Variants in LRRTM4 observed in about 807,000 individuals in gnomAD.
LRRTM4 encodes leucine-rich repeat transmembrane neuronal protein 4.
A neutral mutation model predicts 47.6 loss-of-function variants in LRRTM4; 25 were observed. That is an observed-to-expected ratio of 0.53 (90% confidence interval 0.38 to 0.73). The LOEUF (loss-of-function observed/expected upper bound fraction) is 0.73, where lower values mean the gene tolerates loss of function less well. LRRTM4 is among the 30% of genes least tolerant of loss of function. LRRTM4 has a pLI of 0.00. For missense variants in LRRTM4, 638 were observed against 713.4 expected (o/e 0.89, Z 1.20); for synonymous variants, 311 against 269.5 (o/e 1.15, Z -1.51).
chr2:76,967,879 C>T (rs192934643), intron 3 of LRRTM4, among the ~76,000 whole-genome samples: 3 of 151,532 alleles, frequency 2.0e-5, no homozygotes, highest in Non-Finnish European at 4.4e-5. Context: ...CTCCCTCTGG[C>T]TAATGGGCTT....
intron 3 of LRRTM4, among the ~76,000 whole-genome samples, chr2:77,429,831 C>T (rs190309858): frequency 1.4e-4 from 22 of 152,174 alleles, no homozygotes; most frequent in African/African-American, 5.1e-4. Flanking sequence ...TTTGTGAGGC[C>T]GAGGCGGGTG....
intron 3 of LRRTM4, among the ~76,000 whole-genome samples, chr2:76,768,810 T>C (rs1047187875): frequency 1.2e-4 from 19 of 152,158 alleles, no homozygotes; most frequent in African/African-American, 3.9e-4. Context: ...GAAATTAGGA[T>C]CTGATTCCTC....
intron 3 of LRRTM4, among the ~76,000 whole-genome samples, chr2:77,172,052 T>G (rs1673063213): frequency 6.6e-6 from 1 of 152,198 alleles, no homozygotes; most frequent in Non-Finnish European, 1.5e-5. Context: ...AAATTTGATG[T>G]TATCCTAGAT....
At chr2:76,798,127 A>C (rs369605883) in intron 3 of LRRTM4, among the ~76,000 whole-genome samples, 80 of 152,154 alleles carry the variant, frequency 5.3e-4, no homozygotes, top group East Asian at 9.7e-4. Context: ...AACTCTCCAC[A>C]CCAAATCAAC....
chr2:76,907,581 T>C (rs1266778010), intron 3 of LRRTM4, among the ~76,000 whole-genome samples: 1 of 141,204 alleles, frequency 7.1e-6, no homozygotes, highest in Admixed American at 7.4e-5. Context: ...ATCAACAAAA[T>C]TGATAGACCA....
At chr2:76,976,205 C>A (rs569629346) in intron 3 of LRRTM4, among the ~76,000 whole-genome samples, 1 of 151,570 alleles carries the variant, frequency 6.6e-6, no homozygotes, top group Admixed American at 6.6e-5. Context: ...GCTTGCTTAT[C>A]GTGTCATTAA....
intron 3 of LRRTM4, among the ~76,000 whole-genome samples, chr2:77,399,332 C>G (rs1673844377): frequency 1.3e-5 from 2 of 151,782 alleles, no homozygotes; most frequent in South Asian, 4.1e-4. Flanking sequence ...ACACATCATT[C>G]TTTGTAGTGA....
At chr2:77,255,157 A>T (rs192478171) in intron 3 of LRRTM4, among the ~76,000 whole-genome samples, 63 of 152,072 alleles carry the variant, frequency 4.1e-4, no homozygotes, top group African/African-American at 1.2e-3. Flanking sequence ...ACTTCATGGA[A>T]AACAAAACTA....
At chr2:77,172,933 G>T (rs1452257841) in intron 3 of LRRTM4, among the ~76,000 whole-genome samples, 1 of 152,130 alleles carries the variant, frequency 6.6e-6, no homozygotes, top group African/African-American at 2.4e-5. Context: ...AGGCTGAGAA[G>T]ATAAAATTAA....
At chr2:77,215,340 T>A (rs1035369563) in intron 3 of LRRTM4, among the ~76,000 whole-genome samples, 1 of 152,006 alleles carries the variant, frequency 6.6e-6, no homozygotes, top group South Asian at 2.1e-4. Context: ...AGTAAAAAGG[T>A]GTTTTAGATG....
chr2:77,027,927 GAATT>G (rs965979489), intron 3 of LRRTM4, among the ~76,000 whole-genome samples: 14 of 150,480 alleles, frequency 9.3e-5, no homozygotes, highest in Admixed American at 1.3e-4. Context: ...ATTATCAACA[GAATT>G]AATGGTGAAA....
intron 3 of LRRTM4, among the ~76,000 whole-genome samples, chr2:76,850,036 ACT>A (rs145046480): frequency 0.024 from 3,650 of 152,180 alleles, 152 homozygotes; most frequent in African/African-American, 0.083. Flanking sequence ...ATCATTTGTT[ACT>A]GATAGATAAT....
At chr2:76,831,911 T>C (rs376679173) in intron 3 of LRRTM4, among the ~76,000 whole-genome samples, 215 of 152,218 alleles carry the variant, frequency 1.4e-3, no homozygotes, top group African/African-American at 4.2e-3. Context: ...ACATACCCTT[T>C]TGGGGTTACT....
intron 3 of LRRTM4, among the ~76,000 whole-genome samples, chr2:77,172,150 C>T (rs1673065585): frequency 6.6e-6 from 1 of 152,150 alleles, no homozygotes; most frequent in African/African-American, 2.4e-5. Context: ...TAAAATAAGC[C>T]ATAAATATAA....
At chr2:77,399,084 T>C (rs1573362011) in intron 3 of LRRTM4, among the ~76,000 whole-genome samples, 1 of 151,706 alleles carries the variant, frequency 6.6e-6, no homozygotes, top group Non-Finnish European at 1.5e-5. Context: ...TATGTCTTTT[T>C]CCCTGGCTCT....
intron 3 of LRRTM4, among the ~76,000 whole-genome samples, chr2:77,055,934 G>A (rs1384324395): frequency 4.6e-5 from 7 of 150,620 alleles, no homozygotes; most frequent in Middle Eastern, 3.4e-3. Context: ...GTAAACTATT[G>A]CAAGAACAAA....
At chr2:77,064,896 A>C (rs1171574498) in intron 3 of LRRTM4, among the ~76,000 whole-genome samples, 1 of 152,052 alleles carries the variant, frequency 6.6e-6, no homozygotes, top group Non-Finnish European at 1.5e-5. Context: ...TACCCTTAGC[A>C]ACCTACAGAA....
intron 3 of LRRTM4, among the ~76,000 whole-genome samples, chr2:77,337,300 G>T (rs1035891332): frequency 1.3e-5 from 2 of 151,966 alleles, no homozygotes; most frequent in Non-Finnish European, 2.9e-5. Context: ...ACTGTCCAAA[G>T]GAATCTCCAA....
intron 3 of LRRTM4, among the ~76,000 whole-genome samples, chr2:77,142,948 A>T (rs1187655997): frequency 6.6e-6 from 1 of 152,120 alleles, no homozygotes; most frequent in Non-Finnish European, 1.5e-5. Flanking sequence ...TAGTTCAGGG[A>T]GTTGTGCTTC....
Sources: allele counts gnomAD v4.1 joint callset (sites outside exome capture counted in the v4.1 genomes callset), GRCh38; gene constraint gnomAD v4.1.1; transcripts MANE v1.5; gene names NCBI Gene and HGNC (gene_info 2026-07-23, HGNC 2026-07-21).